The following EBF1 variants were observed in gnomAD, a reference collection of about 807,000 sequenced individuals.
EBF1 encodes transcription factor COE1.
A neutral mutation model predicts 68.4 loss-of-function variants in EBF1; 10 were observed. The observed-to-expected ratio is 0.15, with a 90% CI of 0.09 to 0.25. The LOEUF (loss-of-function observed/expected upper bound fraction) is 0.25, where lower values mean the gene tolerates loss of function less well. Ranked by LOEUF, EBF1 falls within the 10% of genes least tolerant of loss-of-function variation. The probability of loss-of-function intolerance (pLI) is 1.00; values close to 1 mark genes in which losing one functional copy is unlikely to be tolerated. For synonymous variants in EBF1, 298 were observed against 299.8 expected (o/e 0.99, Z 0.06); for missense variants, 509 against 794.4 (o/e 0.64, Z 4.32).
chr5:158,699,105 A>G lies in EBF1; in HGVS notation c.*6T>C. On this transcript the variant is annotated 3_prime_UTR_variant, in exon 16 of 16. Transcript: ENST00000313708. The stretch of plus-strand genomic sequence containing the variant: ...TTCATTAATACAATTCTTCAAGGCA[A>G]TTCTTTCACATAGGAGGAACAATCA... 1 of 1,607,438 alleles carries G rather than the reference A, an allele frequency of 6.2e-7. No individual in the cohort carries two copies. The highest frequency in any genetic ancestry group is 8.5e-7 in the Non-Finnish European group (1 of 1,177,156).
In EBF1 at chr5:158,823,223, G is replaced by A. The variant is rs746803651; in HGVS notation, c.731C>T (p.Ala244Val). The A allele has an allele frequency of 8.1e-6, 13 of 1,613,854 alleles. No homozygotes were observed. In the East Asian group the frequency reaches 1.1e-4, roughly 14 times the overall value. Residue 244 changes from alanine to valine, a missense_variant, in exon 8 of 16, where the codon GCT (alanine) becomes GTT (valine). This residue lies in a region of EBF1 where 230 missense variants were observed against 467.7 expected (regional missense o/e 0.49). Coordinates refer to ENST00000313708, the MANE Select transcript of EBF1 (RefSeq NM_024007.5). Reference protein sequence around the residue: ...VHNNSKHGRRARRLDPSEGTP... With the variant: ...VHNNSKHGRRVRRLDPSEGTP... ...ACCTTCCGAGGGGTCAAGCCTCCGA[G>A]CCCTCCGCCCATGCTTGGAATTATT...
intron 9 of EBF1, among the ~76,000 whole-genome samples, chr5:158,784,635 T>A (rs1777057183): frequency 1.3e-5 from 2 of 152,130 alleles, no homozygotes; most frequent in South Asian, 4.1e-4. Context: ...CACCAGCGAT[T>A]TCTCATTACT....
At position 158,708,149 on chromosome 5, in the gene EBF1, G is replaced by T; in HGVS notation, c.1574C>A (p.Ala525Asp). The T allele has an allele frequency of 6.3e-7, 1 of 1,585,626 alleles. No individual in the cohort carries two copies. Among genetic ancestry groups the T allele is most frequent in the South Asian group, 1.2e-5 (1 of 86,388 alleles). Reference sequence around the variant, plus strand: ...GTTGGAGGGGAGGCTTGTGGAGGAGGCCATGGTGGGGCTGGATGGCACTAC... The same window carrying T: ...GTTGGAGGGGAGGCTTGTGGAGGAGTCCATGGTGGGGCTGGATGGCACTAC... ...YAIVPSSPTM[A>D]SSTSLPSNCS... Residue 525 changes from alanine to aspartate, a missense_variant, in exon 15 of 16, where the codon GCC becomes GAC. By Grantham distance (126) the Ala-to-Asp change is moderately radical. Around this residue, in one of 3 missense-constraint regions of EBF1, gnomAD observed 205 missense variants for 247.4 expected, o/e 0.83. Transcript: ENST00000313708.
At chr5:159,089,525 C>T (rs1781255889) in intron 4 of EBF1, among the ~76,000 whole-genome samples, 1 of 152,030 alleles carries the variant, frequency 6.6e-6, no homozygotes, top group Non-Finnish European at 1.5e-5. Flanking sequence ...AGTGAATGTA[C>T]ACCGGGATCA....
chr5:159,082,880 T>C (rs868503805), intron 5 of EBF1, among the ~76,000 whole-genome samples: 1 of 152,190 alleles, frequency 6.6e-6, no homozygotes, highest in Admixed American at 6.5e-5. Context: ...TTCTGAAAAA[T>C]AGAAAGAACA....
chr5:158,749,387 T>C (rs1768272879), intron 10 of EBF1, among the ~76,000 whole-genome samples: 1 of 152,160 alleles, frequency 6.6e-6, no homozygotes, highest in Admixed American at 6.5e-5. Flanking sequence ...GGAAATAAAC[T>C]CAGAATCTAA....
chr5:159,043,945 A>C (rs1020900217), intron 6 of EBF1, among the ~76,000 whole-genome samples: 6 of 152,220 alleles, frequency 3.9e-5, no homozygotes, highest in Non-Finnish European at 7.3e-5. Context: ...AATGATAGTC[A>C]TAATTGTGAC....
intron 6 of EBF1, among the ~76,000 whole-genome samples, chr5:159,063,008 C>A (rs1235875375): frequency 6.6e-6 from 1 of 152,186 alleles, no homozygotes; most frequent in Non-Finnish European, 1.5e-5. Context: ...AATGGCAGTG[C>A]CATTTCACTT....
At chr5:158,726,374 C>T (rs555636962) in intron 11 of EBF1, among the ~76,000 whole-genome samples, 1 of 152,260 alleles carries the variant, frequency 6.6e-6, no homozygotes, top group South Asian at 2.1e-4. Flanking sequence ...ATTAGAAGGT[C>T]AGGCAGGGCT....
chr5:158,718,483 G>A (rs1280956311), intron 11 of EBF1, among the ~76,000 whole-genome samples: 2 of 152,056 alleles, frequency 1.3e-5, no homozygotes, highest in African/African-American at 2.4e-5. Context: ...CTGAAGCCTC[G>A]TACTGAAGGG....
intron 6 of EBF1, among the ~76,000 whole-genome samples, chr5:158,916,058 G>C (rs560783694): frequency 3.3e-5 from 5 of 152,102 alleles, no homozygotes; most frequent in Non-Finnish European, 7.4e-5. Context: ...CCGACAAAGG[G>C]GGGTCCAAAT....
chr5:159,040,692 C>T (rs1355894943), intron 6 of EBF1, among the ~76,000 whole-genome samples: 1 of 152,206 alleles, frequency 6.6e-6, no homozygotes, highest in Non-Finnish European at 1.5e-5. Flanking sequence ...TTTTAACTAA[C>T]AAGCAGGCAA....
chr5:158,846,962 C>T (rs1024071399), intron 6 of EBF1, among the ~76,000 whole-genome samples: 2 of 152,140 alleles, frequency 1.3e-5, no homozygotes, highest in Non-Finnish European at 2.9e-5. Flanking sequence ...CAAATTCTCT[C>T]CTCTCTCCCT....
chr5:159,014,559 G>C (rs1448798917), intron 6 of EBF1, among the ~76,000 whole-genome samples: 1 of 152,208 alleles, frequency 6.6e-6, no homozygotes, highest in African/African-American at 2.4e-5. Flanking sequence ...AGGAATCTAA[G>C]TGACTTGCCC....
Position 158,741,068 on chromosome 5 carries a change from A to T in EBF1, c.1037-9911T>A, listed in dbSNP as rs527664875. Among the ~76,000 whole-genome samples the T allele has an allele frequency of 2.4e-4, 36 of 152,380 alleles. No homozygotes were observed. The South Asian group carries it at 7.2e-3, about 31-fold the overall frequency. ...AACTATATAAAGAAATGGACAAAAA[A>T]TATATAACATTTTATTTCATTTTAA... On this transcript the variant is annotated intron_variant, in intron 10 of 15. Coordinates refer to ENST00000313708, the MANE Select transcript of EBF1 (RefSeq NM_024007.5).
intron 4 of EBF1, among the ~76,000 whole-genome samples, chr5:159,088,175 A>G (rs1429272188): frequency 1.3e-5 from 2 of 152,150 alleles, no homozygotes; most frequent in Admixed American, 6.6e-5. Flanking sequence ...TTAAACACAC[A>G]TACACACATG....
intron 6 of EBF1, among the ~76,000 whole-genome samples, chr5:159,023,570 T>C (rs1034863067): frequency 3.3e-5 from 5 of 152,132 alleles, no homozygotes; most frequent in African/African-American, 9.7e-5. Context: ...TCCTCCACCA[T>C]AGTGTATTGG....
At chr5:158,825,826 C>T (rs1306113314) in intron 7 of EBF1, among the ~76,000 whole-genome samples, 1 of 151,912 alleles carries the variant, frequency 6.6e-6, no homozygotes, top group Non-Finnish European at 1.5e-5. Flanking sequence ...CACAACTTCC[C>T]TACCACAAAA....
intron 6 of EBF1, among the ~76,000 whole-genome samples, chr5:159,019,820 T>C (rs1372632265): frequency 6.6e-6 from 1 of 152,082 alleles, no homozygotes; most frequent in Non-Finnish European, 1.5e-5. Context: ...CTCTTACTGC[T>C]CCGATTGTTC....
Sources: allele counts gnomAD v4.1 joint callset (sites outside exome capture counted in the v4.1 genomes callset), GRCh38; gene constraint gnomAD v4.1.1; regional missense constraint gnomAD v4.1.1; transcripts MANE v1.5; gene names NCBI Gene and HGNC (gene_info 2026-07-23, HGNC 2026-07-21).